The following PTPRZ1 variants were observed in gnomAD, a reference collection of about 807,000 sequenced individuals.
PTPRZ1 encodes protein tyrosine phosphatase receptor type Z1.
Under a neutral mutation model 214.1 loss-of-function variants are expected in PTPRZ1, and 82 were observed. The ratio of observed to expected loss-of-function variants is 0.38; its 90% confidence interval spans 0.32 to 0.46. PTPRZ1 has a LOEUF of 0.46. Ranked by LOEUF, PTPRZ1 falls within the 20% of genes least tolerant of loss-of-function variation. The pLI, the probability that PTPRZ1 is intolerant of heterozygous loss-of-function variation, is 1.00. For synonymous variants in PTPRZ1, 945 were observed against 987.9 expected (o/e 0.96, Z 0.81); for missense variants, 2,603 against 2,748.7 (o/e 0.95, Z 1.19).
rs755592691 is a variant in PTPRZ1, at chr7:121,972,739, G to A, written c.456+47G>A. 1.0e-5 allele frequency: 14 copies of A among 1,357,126 alleles called. No individual in the cohort carries two copies. The Admixed American group carries it at 3.6e-4, about 34-fold the overall frequency. 84.1% of individuals were successfully genotyped at this position (1,357,126 alleles called of 1,614,324 possible). ...GTACTATTTTATTTTCTAAATAATTGATGTTTTTATTTAGCATATAATTTG... is the reference window on the plus strand; with the variant it reads ...GTACTATTTTATTTTCTAAATAATTAATGTTTTTATTTAGCATATAATTTG... On this transcript the variant is annotated intron_variant, in intron 4 of 29. Transcript: ENST00000393386.
intron 1 of PTPRZ1, among the ~76,000 whole-genome samples, chr7:121,891,481 T>TTTTTTTTTTTTTTTTTTTTTTA (rs869127605): frequency 7.9e-6 from 1 of 126,696 alleles, no homozygotes. Context: ...TTTTTTTTTT[T>TTTTTTTTTTTTTTTTTTTTTTA]AGTTTGATTT....
At chr7:121,905,319 C>T (rs932715901) in intron 1 of PTPRZ1, among the ~76,000 whole-genome samples, 1 of 152,056 alleles carries the variant, frequency 6.6e-6, no homozygotes, top group Non-Finnish European at 1.5e-5. Context: ...TCAACTTTTA[C>T]CCCAGCATCC....
chr7:121,996,276 C>T, intron 8 of PTPRZ1, 106 bp from the exon 9 acceptor site: 1 of 816,052 alleles, frequency 1.2e-6, no homozygotes, highest in South Asian at 2.9e-5. Flanking sequence ...TAACTTTTTA[C>T]TTTACATTGA....
At chr7:121,930,329 A>C (rs1394814130) in intron 2 of PTPRZ1, among the ~76,000 whole-genome samples, 2 of 152,184 alleles carry the variant, frequency 1.3e-5, no homozygotes, top group African/African-American at 4.8e-5. Context: ...AAAAGCAAAA[A>C]TTATTCATAA....
At chr7:121,960,742 A>G (rs1390433249) in intron 2 of PTPRZ1, among the ~76,000 whole-genome samples, 1 of 152,086 alleles carries the variant, frequency 6.6e-6, no homozygotes, top group East Asian at 1.9e-4. Flanking sequence ...AAAAACCTGC[A>G]TTGGTATTTT....
intron 18 of PTPRZ1, among the ~76,000 whole-genome samples, chr7:122,037,101 T>C (rs1799570389): frequency 4.0e-5 from 6 of 151,742 alleles, no homozygotes; most frequent in Admixed American, 3.9e-4. Flanking sequence ...TGAAACCCCA[T>C]CTCTACTAAA....
At chr7:121,916,466 A>G (rs1795431328) in intron 1 of PTPRZ1, among the ~76,000 whole-genome samples, 1 of 152,168 alleles carries the variant, frequency 6.6e-6, no homozygotes, top group Non-Finnish European at 1.5e-5. Context: ...AGAACAGTAA[A>G]CCTGGAGAGA....
Position 122,055,080 on chromosome 7 carries a change from C to G in PTPRZ1, c.6521C>G (p.Ala2174Gly). 1 of 1,573,422 alleles carries G rather than the reference C, an allele frequency of 6.4e-7. No individual in the cohort carries two copies. The highest frequency in any genetic ancestry group is 8.7e-7 in the Non-Finnish European group (1 of 1,152,796). ...KLIIQDFILEATQDDYVLEVR... is the reference protein window; with the variant it reads ...KLIIQDFILEGTQDDYVLEVR... ...ATAATTCAGGACTTTATCTTAGAAG[C>G]TACACAGGTAAGGATATAAGTTAAA... is the stretch of plus-strand genomic sequence containing the variant. The change falls in exon 27 of 30, where the codon GCT (alanine) becomes GGT (glycine). Residue 2174 changes from alanine to glycine, a missense_variant. Physicochemically the swap from Ala to Gly is moderately conservative, Grantham distance 60. This residue lies in a region of PTPRZ1 where 134 missense variants were observed against 183.3 expected (regional missense o/e 0.73). Transcript: ENST00000393386.
At chr7:121,937,847 G>A (rs937903438) in intron 2 of PTPRZ1, among the ~76,000 whole-genome samples, 5 of 152,102 alleles carry the variant, frequency 3.3e-5, no homozygotes, top group Non-Finnish European at 5.9e-5. Context: ...CCTTCTGATC[G>A]GATTCCATTA....
chr7:121,882,876 A>T (rs1023181360), intron 1 of PTPRZ1, among the ~76,000 whole-genome samples: 1 of 152,214 alleles, frequency 6.6e-6, no homozygotes, highest in Non-Finnish European at 1.5e-5. Flanking sequence ...CTCACTTGAT[A>T]TGAATGTAAT....
At chr7:121,877,781 C>A (rs1010564662) in intron 1 of PTPRZ1, among the ~76,000 whole-genome samples, 1 of 152,118 alleles carries the variant, frequency 6.6e-6, no homozygotes, top group Non-Finnish European at 1.5e-5. Flanking sequence ...GAAAATAAGT[C>A]TTTTCCAAAT....
Position 122,011,338 on chromosome 7 carries a change from T to G in PTPRZ1, c.2292T>G (p.Ser764Arg). Residue 764 changes from serine to arginine, a missense_variant, in exon 12 of 30, where the codon AGT becomes AGG. Physicochemically the swap from Ser to Arg is moderately radical, Grantham distance 110. Transcript: ENST00000393386. ...NGETPLQPSY[S>R]SEVFPLVTPL... is the part of the protein sequence containing the mutation. ...AGACACCTCTTCAACCTTCCTACAG[T>G]AGTGAAGTCTTTCCTCTAGTCACCC... is the stretch of plus-strand genomic sequence containing the variant. The G allele has an allele frequency of 1.2e-6, 2 of 1,614,120 alleles. No homozygotes were observed. Among genetic ancestry groups the G allele is most frequent in the Non-Finnish European group, 1.7e-6 (2 of 1,180,014 alleles).
chr7:122,040,757 TG>T (rs1295957337), intron 20 of PTPRZ1, 58 bp from the exon 21 acceptor site: 34 of 872,314 alleles, frequency 3.9e-5, no homozygotes. Context: ...TGTGTGTGTG[TG>T]TGTGTGTGTG....
At position 121,891,451 on chromosome 7, in the gene PTPRZ1, C is replaced by CTTTTTTTTTTTTTTTTTTTTTTTTT. The variant is rs58135453; in HGVS notation, c.58+17900_58+17924dup. 6.7e-4 allele frequency among the ~76,000 whole-genome samples: 24 copies of CTTTTTTTTTTTTTTTTTTTTTTTTT among 35,758 alleles called. 2 individuals are homozygous for CTTTTTTTTTTTTTTTTTTTTTTTTT. Among genetic ancestry groups the CTTTTTTTTTTTTTTTTTTTTTTTTT allele is most frequent in the African/African-American group, 1.0e-3 (9 of 8,772 alleles). 23.5% of individuals were successfully genotyped at this position (35,758 alleles called of 152,430 possible). ...AAATATTTGTTGAATAAAACAACCT[C>CTTTTTTTTTTTTTTTTTTTTTTTTT]TTTTTTTTTTTTTTTTTTTTTTTTT... is the stretch of plus-strand genomic sequence containing the variant. On this transcript the variant is annotated intron_variant, in intron 1 of 29. Transcript: ENST00000393386.
chr7:121,998,922 T>TC (rs1562853467), intron 10 of PTPRZ1, among the ~76,000 whole-genome samples: 1 of 152,170 alleles, frequency 6.6e-6, no homozygotes, highest in Non-Finnish European at 1.5e-5. Context: ...GTTTTACCTA[T>TC]GGCAGGAAAA....
chr7:121,922,941 A>G (rs952329000), intron 1 of PTPRZ1, among the ~76,000 whole-genome samples: 2 of 152,210 alleles, frequency 1.3e-5, no homozygotes, highest in African/African-American at 2.4e-5. Flanking sequence ...AATACATTCA[A>G]TGCCATTCAG....
chr7:122,053,535 AT>A (rs1249900773), intron 25 of PTPRZ1, among the ~76,000 whole-genome samples: 1 of 152,190 alleles, frequency 6.6e-6, no homozygotes, highest in Non-Finnish European at 1.5e-5. Context: ...CCAAGGCAAC[AT>A]AAAAATCATA....
chr7:122,036,556 AAGT>A (rs1308510195), intron 17 of PTPRZ1, 41 bp from the exon 18 acceptor site: 1 of 1,246,392 alleles, frequency 8.0e-7, no homozygotes, highest in Non-Finnish European at 1.2e-6. Flanking sequence ...TTGTGCTGAA[AAGT>A]AGTCTGTGCT....
At chr7:121,981,737 C>A (rs1459438249) in intron 6 of PTPRZ1, among the ~76,000 whole-genome samples, 1 of 152,030 alleles carries the variant, frequency 6.6e-6, no homozygotes, top group African/African-American at 2.4e-5. Flanking sequence ...AATCTGTATA[C>A]AAGTTTATAT....
Sources: gnomAD v4.1 joint callset for allele counts (sites outside exome capture counted in the v4.1 genomes callset) on GRCh38, gnomAD v4.1.1 for gene constraint, gnomAD v4.1.1 regional missense constraint, MANE v1.5 for transcripts, NCBI Gene and HGNC (gene_info 2026-07-23, HGNC 2026-07-21) for gene names.